FMR1: variants seen among roughly 807,000 people sequenced by gnomAD.
The protein encoded by FMR1 is fragile X messenger ribonucleoprotein 1, also known as FMRP translational regulator 1.
A neutral mutation model predicts 50.6 loss-of-function variants in FMR1; 13 were observed. That is an observed-to-expected ratio of 0.26 (90% CI 0.17 to 0.41). FMR1 has a LOEUF of 0.41. Among genes scored for constraint, FMR1 ranks in the 10% least tolerant of loss-of-function variants. The pLI, the probability that FMR1 is intolerant of heterozygous loss-of-function variation, is 1.00. For missense variants in FMR1, 316 were observed against 491.3 expected (o/e 0.64, Z 3.37); for synonymous variants, 138 against 164.1 (o/e 0.84, Z 1.22).
At chrX:147,928,207 G>A (rs1357890331) in intron 3 of FMR1, 115 bp from the exon 4 acceptor site, 6 of 620,469 alleles carry the variant, frequency 9.7e-6, no homozygotes, top group Non-Finnish European at 1.6e-5. Context: ...TATATGACAT[G>A]TGGTTTTTAA....
chrX:147,932,238 C>A (rs1468229567), intron 7 of FMR1, among the ~76,000 whole-genome samples, 187 bp from the exon 8 acceptor site: 1 of 111,667 alleles, frequency 9.0e-6, no homozygotes, highest in Non-Finnish European at 1.9e-5. Flanking sequence ...TGTCATAGAC[C>A]TTTAGTAACC....
At chrX:147,922,045 A>G in intron 2 of FMR1, 60 bp downstream of exon 2, 1 of 718,753 alleles carries the variant, frequency 1.4e-6, no homozygotes, top group South Asian at 2.4e-5. Flanking sequence ...TGCTAATTCT[A>G]CTCTTCATTT....
rs1557182911 is a variant in FMR1, at chrX:147,949,362, C to T, written c.*518C>T. On this transcript the variant is annotated 3_prime_UTR_variant, in exon 17 of 17. Transcript: ENST00000370475. ...TGTGTGATGTGACATTTGTCATTTT[C>T]ATTAGCAAAAAAAGTTGTATGATCT... The T allele has an allele frequency of 6.1e-6, 2 of 326,871 alleles. No homozygotes were observed. Among genetic ancestry groups the T allele is most frequent in the Admixed American group, 3.2e-5 (1 of 31,740 alleles). 26.9% of individuals were successfully genotyped at this position (326,871 alleles called of 1,213,427 possible).
intron 12 of FMR1, chrX:147,940,204 A>G (rs782014930): frequency 5.1e-5 from 6 of 117,065 alleles, no homozygotes; most frequent in African/African-American, 2.0e-4. Flanking sequence ...AAAAAAGAAA[A>G]AATTTTGATC....
At position 147,949,142 on chromosome X, in the gene FMR1, A is replaced by C. The variant is rs1253887449; in HGVS notation, c.*298A>C. 2 of 401,004 alleles carry C rather than the reference A, an allele frequency of 5.0e-6. No individual in the cohort carries two copies. The highest frequency in any genetic ancestry group is 9.2e-6 in the Non-Finnish European group (2 of 217,558). The allele number at this position is 401,004 out of a possible 1,213,427, so 33.0% of individuals were successfully genotyped here. A position where few individuals can be genotyped will look rare whatever the true frequency, so the allele number is the denominator to read the frequency against. On this transcript the variant is annotated 3_prime_UTR_variant, in exon 17 of 17. Coordinates refer to ENST00000370475, the MANE Select transcript of FMR1 (RefSeq NM_002024.6). ...GCAGTGATATTCTTTGTTAATTTGG[A>C]CCATTTTCCTGCATTGGGTGATCAT...
At chrX:147,941,003 A>G (rs1242680669) in intron 13 of FMR1, among the ~76,000 whole-genome samples, 1 of 112,154 alleles carries the variant, frequency 8.9e-6, no homozygotes, top group Non-Finnish European at 1.9e-5. Flanking sequence ...ATCTGTGTCT[A>G]TAACTCTTGC....
chrX:147,932,325 C>A, intron 7 of FMR1, 100 bp from the exon 8 acceptor site: 1 of 728,949 alleles, frequency 1.4e-6, no homozygotes, highest in Non-Finnish European at 2.2e-6. Context: ...AATTTATGGA[C>A]CCCTCATATA....
chrX:147,945,754 C>T (rs781835013), intron 16 of FMR1, 138 bp downstream of exon 16: 59 of 500,966 alleles, frequency 1.2e-4, no homozygotes, highest in Non-Finnish European at 1.9e-4. Flanking sequence ...TTCAACATTA[C>T]AATTGTAGTC....
At chrX:147,924,467 TTGTGTGTGTGTGTGTG>T (rs3999731) in intron 2 of FMR1, among the ~76,000 whole-genome samples, 1 of 91,085 alleles carries the variant, frequency 1.1e-5, no homozygotes, top group Non-Finnish European at 2.1e-5. Flanking sequence ...AGTATTTTAT[TTGTGTGTGTGTGTGTG>T]TGTGTGTGTG....
At chrX:147,943,431 G>A in intron 14 of FMR1, 105 bp downstream of exon 14, 1 of 735,096 alleles carries the variant, frequency 1.4e-6, no homozygotes, top group Non-Finnish European at 2.1e-6. Context: ...GCCGCTACAT[G>A]GTTTCCAATT....
chrX:147,928,790 A>G lies in FMR1; in HGVS notation c.402A>G (p.Pro134=). ...TCCATAAGATCAAGCTGGATGTGCCAGAAGACTTACGGCAAATGTAAGTTG... is the reference window on the plus strand; with the variant it reads ...TCCATAAGATCAAGCTGGATGTGCCGGAAGACTTACGGCAAATGTAAGTTG... The part of the protein sequence containing the change: ...DTFHKIKLDV[P]EDLRQMCAKE... The change falls in exon 5 of 17, where the codon CCA becomes CCG. Residue 134 remains proline, a synonymous_variant. Transcript: ENST00000370475. The G allele has an allele frequency of 3.4e-5, 41 of 1,210,973 alleles. No individual in the cohort carries two copies. The highest frequency in any genetic ancestry group is 4.4e-5 in the Non-Finnish European group (39 of 894,683).
intron 14 of FMR1, chrX:147,944,134 C>G (rs1557181451): frequency 1.3e-6 from 1 of 753,341 alleles, no homozygotes; most frequent in Non-Finnish European, 1.6e-6. Flanking sequence ...TTGAACCTAA[C>G]CCCTAACCCC....
intron 14 of FMR1, 144 bp from the exon 15 acceptor site, chrX:147,944,725 A>G (rs367813815): frequency 4.8e-6 from 5 of 1,049,114 alleles, no homozygotes; most frequent in Non-Finnish European, 4.9e-6. Flanking sequence ...GTTTTATGAA[A>G]TGGAAAGTGA....
chrX:147,918,152 A>G (rs1569545284), intron 1 of FMR1, among the ~76,000 whole-genome samples: 1 of 111,052 alleles, frequency 9.0e-6, no homozygotes, highest in East Asian at 2.8e-4. Flanking sequence ...GTATGAGTGT[A>G]TCTGTGGGTG....
intron 16 of FMR1, among the ~76,000 whole-genome samples, chrX:147,946,441 G>A (rs2124577651): frequency 8.9e-6 from 1 of 112,372 alleles, no homozygotes; most frequent in South Asian, 3.7e-4. Flanking sequence ...CTAGTCCGAG[G>A]ATCTCTTCTC....
At chrX:147,948,602 C>A in intron 16 of FMR1, 81 bp from the exon 17 acceptor site, 2 of 1,198,106 alleles carry the variant, frequency 1.7e-6, no homozygotes, top group Non-Finnish European at 1.1e-6. Flanking sequence ...ATTTACACTT[C>A]AGGTTTAAAT....
intron 1 of FMR1, among the ~76,000 whole-genome samples, chrX:147,918,555 C>T (rs868926304): frequency 2.1e-3 from 101 of 47,232 alleles, no homozygotes; most frequent in Admixed American, 3.5e-3. Flanking sequence ...CCTGCAAAAG[C>T]TTTTTTTTTT....
chrX:147,947,728 A>T (rs1428201333), intron 16 of FMR1: 1 of 111,158 alleles, frequency 9.0e-6, no homozygotes, highest in Non-Finnish European at 1.9e-5. Context: ...AAAAAAAGAT[A>T]CAAATCAAAG....
At chrX:147,930,796 C>T (rs782455986) in intron 7 of FMR1, 2 of 112,750 alleles carry the variant, frequency 1.8e-5, no homozygotes, top group South Asian at 3.6e-4. Context: ...CTATCAAGTA[C>T]GTCCATCCAT....
Sources: gnomAD v4.1 joint callset for allele counts (sites outside exome capture counted in the v4.1 genomes callset) on GRCh38, gnomAD v4.1.1 for gene constraint, MANE v1.5 for transcripts, NCBI Gene and HGNC (gene_info 2026-07-23, HGNC 2026-07-21) for gene names.